Variants in ENPP3 observed in about 807,000 individuals in gnomAD.
ENPP3 encodes the protein ectonucleotide pyrophosphatase/phosphodiesterase 3.
ENPP3 carries 104 observed loss-of-function variants against 117.8 expected under a neutral mutation model. The observed-to-expected ratio is 0.88, with a 90% CI of 0.75 to 1.04. The LOEUF (loss-of-function observed/expected upper bound fraction) is 1.04. Among genes scored for constraint, ENPP3 ranks in the 50% least tolerant of loss-of-function variants. ENPP3 has a pLI of 0.00. For missense variants in ENPP3, 1,026 were observed against 1,051.9 expected, an observed-to-expected ratio of 0.98 and a Z score of 0.34; for synonymous variants, 380 against 349.9, an observed-to-expected ratio of 1.09 and a Z score of -0.96.
rs747134634 is a variant in ENPP3, at chr6:131,671,229, T to C, written c.563-19T>C. On this transcript the variant is annotated intron_variant, in intron 6 of 24. Transcript: ENST00000357639. ...GAAGAAGAAACAACTTCCTAATTTC[T>C]CACCATATTCTGTTGCAGAAACATG... 3.5e-6 allele frequency: 5 copies of C among 1,445,760 alleles called. No homozygotes were observed. In the Admixed American group the frequency reaches 8.6e-5, roughly 25 times the overall value. 89.6% of individuals were successfully genotyped at this position (1,445,760 alleles called of 1,614,324 possible). A position where few individuals can be genotyped will look rare whatever the true frequency, so the allele number is the denominator to read the frequency against.
At chr6:131,687,976 A>T (rs577384288) in intron 14 of ENPP3, among the ~76,000 whole-genome samples, 1 of 152,132 alleles carries the variant, frequency 6.6e-6, no homozygotes, top group Admixed American at 6.5e-5. Context: ...TTTTTTACCA[A>T]TTGAAGGTTT....
In ENPP3 at chr6:131,652,617, A is replaced by G; in HGVS notation, c.353A>G (p.Asp118Gly). The part of the protein sequence containing the change: ...LEASLCSCSD[D>G]CLQRKDCCAD... ...GCCAGCCTTTGCTCTTGTTCAGATG[A>G]CTGTTTGCAGAGGAAAGATTGCTGT... The change falls in exon 4 of 25, where the codon GAC (aspartate) becomes GGC (glycine). Residue 118 changes from aspartate (D) to glycine (G), a missense_variant. Coordinates refer to ENST00000357639, the MANE Select transcript of ENPP3 (RefSeq NM_005021.5). The G allele has an allele frequency of 6.2e-7, 1 of 1,614,022 alleles. No individual in the cohort carries two copies. The highest frequency in any genetic ancestry group is 1.3e-5 in the African/African-American group (1 of 75,026).
chr6:131,652,289 T>A (rs1325865503), intron 3 of ENPP3, among the ~76,000 whole-genome samples: 1 of 152,200 alleles, frequency 6.6e-6, no homozygotes, highest in Non-Finnish European at 1.5e-5. Context: ...CATGTTCAGA[T>A]CTTCTCCAAG....
At position 131,713,864 on chromosome 6, in the gene ENPP3, A is replaced by G. The variant is rs918658388; in HGVS notation, c.1413-4808A>G. On this transcript the variant is annotated intron_variant, in intron 15 of 24. Coordinates refer to ENST00000357639, the MANE Select transcript of ENPP3 (RefSeq NM_005021.5). ...GTAGTCATAGTACACTATATTCTCA[A>G]AGTCTTTGAGCTCAAACAATCCTCC... is the stretch of plus-strand genomic sequence containing the variant. Among the ~76,000 whole-genome samples, 20 of 151,330 alleles carry G rather than the reference A, an allele frequency of 1.3e-4. No individual in the cohort carries two copies. The East Asian group carries it at 3.9e-3, about 30-fold the overall frequency.
intron 9 of ENPP3, among the ~76,000 whole-genome samples, chr6:131,676,034 C>T (rs1778861078): frequency 6.6e-6 from 1 of 152,066 alleles, no homozygotes; most frequent in Non-Finnish European, 1.5e-5. Context: ...ACTCTGAACT[C>T]GTTGGTGGAC....
chr6:131,638,461 C>T (rs1777972579), intron 1 of ENPP3: 1 of 451,088 alleles, frequency 2.2e-6, no homozygotes, highest in South Asian at 1.6e-5. Context: ...GGTCTCTCTC[C>T]TTTGGGATCT....
At chr6:131,689,184 G>T (rs1170066244) in intron 14 of ENPP3, among the ~76,000 whole-genome samples, 1 of 152,208 alleles carries the variant, frequency 6.6e-6, no homozygotes, top group Non-Finnish European at 1.5e-5. Flanking sequence ...ATCTAGCTAA[G>T]ATCATTGATG....
At chr6:131,691,069 G>A (rs542030478) in intron 14 of ENPP3, among the ~76,000 whole-genome samples, 23 of 151,988 alleles carry the variant, frequency 1.5e-4, no homozygotes, top group Non-Finnish European at 2.9e-4. Flanking sequence ...TCACAGATAT[G>A]GACTGGACCT....
chr6:131,746,876 T>C lies in ENPP3; in HGVS notation c.2548T>C (p.Phe850Leu), dbSNP rs200986321. The change falls in exon 25 of 25, where the codon TTC (phenylalanine) becomes CTC (leucine). Residue 850 changes from phenylalanine to leucine, a missense_variant. Phe to Leu is a conservative substitution (Grantham distance 22). Coordinates refer to ENST00000357639, the MANE Select transcript of ENPP3 (RefSeq NM_005021.5). ...TGTAGAACTTCTCACTGGGCTTGAC[T>C]TCTATCAGGATAAAGTGCAGCCTGT... ...RDVELLTGLD[F>L]YQDKVQPVSE... 8.1e-6 allele frequency: 13 copies of C among 1,613,390 alleles called. No individual in the cohort carries two copies. The African/African-American group carries it at 1.3e-4, about 17-fold the overall frequency.
intron 11 of ENPP3, among the ~76,000 whole-genome samples, chr6:131,679,775 G>A (rs1018737664): frequency 6.6e-6 from 1 of 152,250 alleles, no homozygotes; most frequent in South Asian, 2.1e-4. Context: ...TGAACAAATG[G>A]TCTGACAAAC....
chr6:131,717,834 A>G (rs1390978322), intron 15 of ENPP3, among the ~76,000 whole-genome samples: 1 of 152,218 alleles, frequency 6.6e-6, no homozygotes, highest in African/African-American at 2.4e-5. Context: ...TGGTGGTCCC[A>G]TAAGATTATA....
intron 12 of ENPP3, 116 bp downstream of exon 12, chr6:131,683,278 G>A (rs1038228942): frequency 1.6e-5 from 10 of 614,956 alleles, no homozygotes; most frequent in African/African-American, 1.5e-4. Flanking sequence ...AAAGTCTCTT[G>A]AAGAAGCAAG....
At chr6:131,739,283 T>A (rs1170471973) in intron 23 of ENPP3, among the ~76,000 whole-genome samples, 1 of 152,156 alleles carries the variant, frequency 6.6e-6, no homozygotes, top group Non-Finnish European at 1.5e-5. Context: ...CACTTAAAAC[T>A]TTTGAAAGCA....
chr6:131,702,596 C>T (rs1779563327), intron 15 of ENPP3, among the ~76,000 whole-genome samples: 1 of 146,554 alleles, frequency 6.8e-6, no homozygotes, highest in Non-Finnish European at 1.5e-5. Context: ...ATTGTCTATG[C>T]AGGTGATTGG....
At chr6:131,733,543 A>T in intron 20 of ENPP3, 45 bp from the exon 21 acceptor site, 7 of 1,592,106 alleles carry the variant, frequency 4.4e-6, no homozygotes, top group Non-Finnish European at 6.0e-6. Flanking sequence ...GCAATGGGTG[A>T]GCCGCAATTG....
chr6:131,732,904 AT>A (rs1780316853), intron 20 of ENPP3, among the ~76,000 whole-genome samples: 2 of 136,420 alleles, frequency 1.5e-5, no homozygotes, highest in African/African-American at 6.9e-5. Flanking sequence ...TAATTGATGT[AT>A]TTTTAGTAGA....
intron 20 of ENPP3, among the ~76,000 whole-genome samples, chr6:131,728,123 A>T (rs1378973032): frequency 6.6e-6 from 1 of 152,206 alleles, no homozygotes; most frequent in Non-Finnish European, 1.5e-5. Flanking sequence ...TTGGTGCAAC[A>T]TTACTTTCTT....
At position 131,720,292 on chromosome 6, in the gene ENPP3, G is replaced by A; in HGVS notation, c.1480G>A (p.Ala494Thr). ...GYNNEFRSME[A>T]IFLAHGPSFK... The stretch of plus-strand genomic sequence containing the variant: ...TAATAATCTGACTATTATGACCTAG[G>A]CTATCTTTCTGGCACATGGACCCAG... The change falls in exon 17 of 25, where the codon GCT becomes ACT. Residue 494 changes from alanine (A) to threonine (T), a missense_variant and splice_region_variant. Ala to Thr is a moderately conservative substitution (Grantham distance 58). Coordinates refer to ENST00000357639, the MANE Select transcript of ENPP3 (RefSeq NM_005021.5). 1.3e-6 allele frequency: 2 copies of A among 1,565,410 alleles called. No homozygotes were observed. The highest frequency in any genetic ancestry group is 2.3e-5 in the South Asian group (2 of 86,312).
At chr6:131,668,724 G>A (rs891933241) in intron 6 of ENPP3, among the ~76,000 whole-genome samples, 3 of 151,964 alleles carry the variant, frequency 2.0e-5, no homozygotes, top group Non-Finnish European at 1.5e-5. Context: ...GGCAATATTC[G>A]AGGGTATAAG....
Sources: gnomAD v4.1 joint callset for allele counts (sites outside exome capture counted in the v4.1 genomes callset) on GRCh38, gnomAD v4.1.1 for gene constraint, MANE v1.5 for transcripts, NCBI Gene and HGNC (gene_info 2026-07-23, HGNC 2026-07-21) for gene names.